The following RBFOX1 variants were observed in gnomAD, a reference collection of about 807,000 sequenced individuals.
RBFOX1 encodes the protein RNA binding fox-1 homolog 1, also known as RNA binding protein fox-1 homolog 1.
Under a neutral mutation model 57.7 loss-of-function variants are expected in RBFOX1, and 8 were observed. The observed-to-expected ratio is 0.14, with a 90% CI of 0.08 to 0.25. The LOEUF is 0.25. RBFOX1 is among the 10% of genes least tolerant of loss of function. The pLI, the probability that RBFOX1 is intolerant of heterozygous loss-of-function variation, is 1.00. For synonymous variants in RBFOX1, 326 were observed against 222.4 expected, an observed-to-expected ratio of 1.47 and a Z score of -4.15; for missense variants, 611 against 548.5, an observed-to-expected ratio of 1.11 and a Z score of -1.14.
intron 4 of RBFOX1, among the ~76,000 whole-genome samples, chr16:7,424,684 G>A (rs1598118931): frequency 6.6e-6 from 1 of 152,172 alleles, no homozygotes; most frequent in East Asian, 1.9e-4. Context: ...GGATAAGAAG[G>A]AAATGAAAGA....
At chr16:6,869,499 G>A (rs140603140) in intron 3 of RBFOX1, among the ~76,000 whole-genome samples, 1 of 151,330 alleles carries the variant, frequency 6.6e-6, no homozygotes, top group Non-Finnish European at 1.5e-5. Context: ...TAAATGCCCT[G>A]AGTTTTTCAA....
intron 5 of RBFOX1, among the ~76,000 whole-genome samples, chr16:7,568,413 G>A (rs995250383): frequency 1.3e-5 from 2 of 152,102 alleles, no homozygotes; most frequent in African/African-American, 4.8e-5. Context: ...TGGTGGGAGT[G>A]TCTCTTAGCA....
At chr16:6,197,741 A>G (rs1294420495) in intron 1 of RBFOX1, among the ~76,000 whole-genome samples, 2 of 151,938 alleles carry the variant, frequency 1.3e-5, no homozygotes, top group Non-Finnish European at 2.9e-5. Flanking sequence ...TGCGTCACCC[A>G]GGTATTAAGC....
intron 3 of RBFOX1, among the ~76,000 whole-genome samples, chr16:6,778,805 T>C (rs908954154): frequency 4.7e-4 from 72 of 152,144 alleles, no homozygotes; most frequent in African/African-American, 1.7e-3. Context: ...AAATTATTGA[T>C]TGAACCAATA....
chr16:6,356,264 A>C (rs1285126898), intron 2 of RBFOX1, among the ~76,000 whole-genome samples: 1 of 152,162 alleles, frequency 6.6e-6, no homozygotes, highest in African/African-American at 2.4e-5. Flanking sequence ...GCAATGTTGC[A>C]GGGGCAAAAA....
intron 4 of RBFOX1, among the ~76,000 whole-genome samples, chr16:7,294,079 G>T (rs1197556650): frequency 6.6e-6 from 1 of 152,202 alleles, no homozygotes; most frequent in Admixed American, 6.5e-5. Flanking sequence ...AGAATCTTCT[G>T]CAGGCTTTGT....
intron 3 of RBFOX1, among the ~76,000 whole-genome samples, chr16:6,966,211 C>G (rs1044211764): frequency 6.6e-6 from 1 of 152,146 alleles, no homozygotes; most frequent in Non-Finnish European, 1.5e-5. Flanking sequence ...CTTCCCCTCT[C>G]TGTCCCAGCT....
chr16:6,758,794 A>T (rs573872635), intron 3 of RBFOX1, among the ~76,000 whole-genome samples: 12 of 152,196 alleles, frequency 7.9e-5, no homozygotes, highest in African/African-American at 2.9e-4. Flanking sequence ...GAGAGGGACA[A>T]TCATCTCTTA....
chr16:7,050,841 T>C (rs1213105537), intron 3 of RBFOX1, among the ~76,000 whole-genome samples: 1 of 152,168 alleles, frequency 6.6e-6, no homozygotes, highest in African/African-American at 2.4e-5. Context: ...GAAATAAACA[T>C]TTGTGTGCCT....
At chr16:6,960,955 C>G (rs774645459) in intron 3 of RBFOX1, among the ~76,000 whole-genome samples, 7 of 142,520 alleles carry the variant, frequency 4.9e-5, no homozygotes, top group African/African-American at 1.8e-4. Flanking sequence ...TGATGAAACT[C>G]CATCTCTACT....
At chr16:7,490,903 A>C (rs2151518586) in intron 4 of RBFOX1, among the ~76,000 whole-genome samples, 1 of 152,306 alleles carries the variant, frequency 6.6e-6, no homozygotes, top group Middle Eastern at 3.4e-3. Context: ...TATCAGCCTA[A>C]GGATACATAG....
At chr16:7,245,825 C>G (rs989648131) in intron 4 of RBFOX1, among the ~76,000 whole-genome samples, 1 of 152,196 alleles carries the variant, frequency 6.6e-6, no homozygotes, top group Non-Finnish European at 1.5e-5. Flanking sequence ...TACACTCATG[C>G]AACTCTTCAC....
chr16:5,759,999 C>T (rs2053537781), intron 3 of RBFOX1, among the ~76,000 whole-genome samples: 1 of 143,130 alleles, frequency 7.0e-6, no homozygotes, highest in Non-Finnish European at 1.5e-5. Flanking sequence ...TAAATATCCC[C>T]ACTGGGTTAA....
chr16:5,245,048 A>G (rs1377653749), intron 1 of RBFOX1, among the ~76,000 whole-genome samples: 1 of 152,098 alleles, frequency 6.6e-6, no homozygotes, highest in African/African-American at 2.4e-5. Flanking sequence ...AATTCTTTTA[A>G]TTTCATTAAG....
intron 1 of RBFOX1, among the ~76,000 whole-genome samples, chr16:6,084,532 C>G (rs117643354): frequency 0.02 from 3,088 of 152,320 alleles, 27 homozygotes; most frequent in Non-Finnish European, 0.032. Context: ...ACAAAAACCA[C>G]TGCACCTGGC....
At chr16:5,951,449 A>G (rs1481174130) in intron 4 of RBFOX1, among the ~76,000 whole-genome samples, 1 of 152,144 alleles carries the variant, frequency 6.6e-6, no homozygotes, top group African/African-American at 2.4e-5. Flanking sequence ...CTCCATCTCA[A>G]AATATATGTG....
chr16:5,922,247 A>G (rs2058840322), intron 4 of RBFOX1, among the ~76,000 whole-genome samples: 1 of 152,192 alleles, frequency 6.6e-6, no homozygotes. Flanking sequence ...GTGTTAATCC[A>G]TTCATGAGGG....
At chr16:5,641,330 C>T (rs748781529) in intron 3 of RBFOX1, among the ~76,000 whole-genome samples, 7 of 152,194 alleles carry the variant, frequency 4.6e-5, no homozygotes, top group Non-Finnish European at 8.8e-5. Flanking sequence ...ATCTCATGGG[C>T]AATATATTCT....
chr16:6,442,237 C>G (rs2094398258), intron 2 of RBFOX1, among the ~76,000 whole-genome samples: 1 of 152,118 alleles, frequency 6.6e-6, no homozygotes, highest in Admixed American at 6.6e-5. Context: ...GACACATCCA[C>G]TCGAATGTTT....
Sources: allele counts gnomAD v4.1 joint callset (sites outside exome capture counted in the v4.1 genomes callset), GRCh38; gene constraint gnomAD v4.1.1; transcripts MANE v1.5; gene names NCBI Gene and HGNC (gene_info 2026-07-23, HGNC 2026-07-21).